PDGFRL: variants seen among roughly 807,000 people sequenced by gnomAD.
The protein encoded by PDGFRL is platelet-derived growth factor receptor-like protein.
Under a neutral mutation model 37.2 loss-of-function variants are expected in PDGFRL, and 46 were observed. That is an observed-to-expected ratio of 1.24 (90% CI 0.98 to 1.58). The LOEUF is 1.58. Among genes scored for constraint, PDGFRL ranks in the 40% most tolerant of loss-of-function variants. The probability of loss-of-function intolerance (pLI) is 0.00; values close to 1 mark genes in which losing one functional copy is unlikely to be tolerated. For synonymous variants in PDGFRL, 251 were observed against 184.3 expected (o/e 1.36, Z -2.93); for missense variants, 692 against 467.6 (o/e 1.48, Z -4.43).
At chr8:17,630,887 G>T (rs1241323532) in intron 4 of PDGFRL, among the ~76,000 whole-genome samples, 1 of 152,086 alleles carries the variant, frequency 6.6e-6, no homozygotes, top group African/African-American at 2.4e-5. Flanking sequence ...CTCAGCTGGA[G>T]GCTGCCTCTG....
At position 17,598,397 on chromosome 8, in the gene PDGFRL, A is replaced by G. The variant is rs1488792923; in HGVS notation, c.353+8632A>G. Among the ~76,000 whole-genome samples the G allele has an allele frequency of 2.6e-5, 4 of 152,216 alleles. No individual in the cohort carries two copies. The East Asian group carries it at 7.7e-4, about 29-fold the overall frequency. ...AAGAATAAACCCCTTGAGGGCAAAT[A>G]ACACATCTGTGGTTTATCATCAGAT... is the stretch of plus-strand genomic sequence containing the variant. On this transcript the variant is annotated intron_variant, in intron 2 of 5. Coordinates refer to ENST00000251630, the MANE Select transcript of PDGFRL (RefSeq NM_001372073.1).
intron 4 of PDGFRL, among the ~76,000 whole-genome samples, chr8:17,633,348 G>A (rs1804900710): frequency 6.6e-6 from 1 of 152,146 alleles, no homozygotes; most frequent in South Asian, 2.1e-4. Context: ...TTTCCTCCAG[G>A]ATGCAGGAGT....
chr8:17,635,366 T>A (rs1804951965), intron 5 of PDGFRL, among the ~76,000 whole-genome samples: 1 of 152,134 alleles, frequency 6.6e-6, no homozygotes, highest in Admixed American at 6.6e-5. Context: ...AGCTCGCATT[T>A]AACAGTAAGA....
At chr8:17,619,455 A>C (rs1804589839) in intron 2 of PDGFRL, among the ~76,000 whole-genome samples, 1 of 152,230 alleles carries the variant, frequency 6.6e-6, no homozygotes, top group Admixed American at 6.5e-5. Context: ...AAAATACAAA[A>C]GATAAGGAAG....
intron 2 of PDGFRL, 44 bp from the exon 3 acceptor site, chr8:17,621,007 G>T: frequency 1.3e-6 from 2 of 1,518,576 alleles, no homozygotes; most frequent in Non-Finnish European, 1.8e-6. Flanking sequence ...GAGGGCCCCA[G>T]CCAGGTCTGA....
intron 4 of PDGFRL, among the ~76,000 whole-genome samples, chr8:17,632,560 C>G (rs911395717): frequency 1.3e-5 from 2 of 152,218 alleles, no homozygotes; most frequent in Admixed American, 1.3e-4. Context: ...TGGCCTCGAA[C>G]TCCTGACCTC....
Position 17,595,537 on chromosome 8 carries a change from C to A in PDGFRL, c.353+5772C>A, listed in dbSNP as rs1439852828. ...TCAGCCTCCTGAGAACTCTCCTGGGCCCTGGTCTGGGCAGAACCTGGACCT... is the reference window on the plus strand; with the variant it reads ...TCAGCCTCCTGAGAACTCTCCTGGGACCTGGTCTGGGCAGAACCTGGACCT... On this transcript the variant is annotated intron_variant, in intron 2 of 5. Transcript: ENST00000251630. Among the ~76,000 whole-genome samples the A allele has an allele frequency of 2.0e-5, 3 of 152,298 alleles. No homozygotes were observed. In the South Asian group the frequency reaches 6.2e-4, roughly 32 times the overall value.
chr8:17,641,901 G>GCCCGCCCCCCCC (rs1554556556), intron 5 of PDGFRL, among the ~76,000 whole-genome samples: 1 of 116,236 alleles, frequency 8.6e-6, no homozygotes, highest in African/African-American at 3.8e-5. Context: ...AGAGGTCCCC[G>GCCCGCCCCCCCC]CCACATTGCT....
At chr8:17,592,266 C>T (rs1381623543) in intron 2 of PDGFRL, among the ~76,000 whole-genome samples, 1 of 152,230 alleles carries the variant, frequency 6.6e-6, no homozygotes, top group Non-Finnish European at 1.5e-5. Flanking sequence ...TCAGTTCCCT[C>T]TTCATAGCAC....
At chr8:17,598,818 T>C (rs1804105872) in intron 2 of PDGFRL, among the ~76,000 whole-genome samples, 1 of 152,156 alleles carries the variant, frequency 6.6e-6, no homozygotes, top group South Asian at 2.1e-4. Flanking sequence ...TGGTAGTTAA[T>C]ACGTCTCACG....
intron 1 of PDGFRL, among the ~76,000 whole-genome samples, chr8:17,583,084 C>CAT (rs1803742630): frequency 6.6e-6 from 1 of 152,174 alleles, no homozygotes; most frequent in African/African-American, 2.4e-5. Flanking sequence ...GAGGCTTCCA[C>CAT]ATGTTGTCAA....
Position 17,605,134 on chromosome 8 carries a change from G to GGA in PDGFRL, c.353+15380_353+15381dup, listed in dbSNP as rs201580144. 5.1e-3 allele frequency among the ~76,000 whole-genome samples: 777 copies of GGA among 152,002 alleles called. 5 individuals carry two copies. Among genetic ancestry groups the GGA allele is most frequent in the Middle Eastern group, 0.024 (7 of 294 alleles). ...TCTGTCCCAGAAAGAATGAAAGAAGGGAGAGAGAGAGACAGGGAGAGGGAA... is the reference window on the plus strand; with the variant it reads ...TCTGTCCCAGAAAGAATGAAAGAAGGGAGAGAGAGAGAGACAGGGAGAGGGAA... On this transcript the variant is annotated intron_variant, in intron 2 of 5. Transcript: ENST00000251630.
In PDGFRL at chr8:17,621,098, C is replaced by T; in HGVS notation, c.401C>T (p.Thr134Ile). 4 of 1,612,102 alleles carry T rather than the reference C, an allele frequency of 2.5e-6. No individual in the cohort carries two copies. Among genetic ancestry groups the T allele is most frequent in the Non-Finnish European group, 3.4e-6 (4 of 1,178,666 alleles). The change falls in exon 3 of 6, where the codon ACC (threonine) becomes ATC (isoleucine). Residue 134 changes from threonine to isoleucine, a missense_variant. Thr to Ile is a moderately conservative substitution (Grantham distance 89). Transcript: ENST00000251630. The part of the protein sequence containing the change: ...RYGQLTLVNS[T>I]SADTGEFSCW... The stretch of plus-strand genomic sequence containing the variant: ...GGCCAGTTGACTCTGGTCAACTCCA[C>T]CTCGGCAGACACAGGTGAATTCAGC...
intron 5 of PDGFRL, among the ~76,000 whole-genome samples, chr8:17,638,316 G>C (rs1805015036): frequency 6.6e-6 from 1 of 152,066 alleles, no homozygotes; most frequent in Non-Finnish European, 1.5e-5. Flanking sequence ...TGATCATTCA[G>C]GAGCAGGTTA....
At chr8:17,606,627 A>C (rs1434627390) in intron 2 of PDGFRL, among the ~76,000 whole-genome samples, 1 of 152,132 alleles carries the variant, frequency 6.6e-6, no homozygotes, top group Non-Finnish European at 1.5e-5. Flanking sequence ...GCAGGATACA[A>C]GACTTCCCCC....
intron 2 of PDGFRL, among the ~76,000 whole-genome samples, chr8:17,593,805 T>C (rs1350239287): frequency 6.6e-6 from 1 of 151,832 alleles, no homozygotes; most frequent in African/African-American, 2.4e-5. Context: ...GGAGAATCGC[T>C]TGAACCTGGG....
intron 2 of PDGFRL, among the ~76,000 whole-genome samples, chr8:17,617,646 T>C (rs2237830): frequency 0.64 from 97,754 of 152,108 alleles, 31,542 homozygotes; most frequent in Middle Eastern, 0.7. Context: ...TCCTGTTTTA[T>C]ATTGTTTGCG....
At chr8:17,614,831 C>T (rs17124939) in intron 2 of PDGFRL, among the ~76,000 whole-genome samples, 1 of 152,302 alleles carries the variant, frequency 6.6e-6, no homozygotes, top group Non-Finnish European at 1.5e-5. Flanking sequence ...CTTTGTTTAT[C>T]TACCTGAGGC....
At chr8:17,629,823 T>C (rs1207598893) in intron 4 of PDGFRL, among the ~76,000 whole-genome samples, 7 of 152,150 alleles carry the variant, frequency 4.6e-5, no homozygotes, top group Non-Finnish European at 5.9e-5. Context: ...CACAGGCTTG[T>C]ACTTTCCCAG....
Sources: allele counts gnomAD v4.1 joint callset (sites outside exome capture counted in the v4.1 genomes callset), GRCh38; gene constraint gnomAD v4.1.1; transcripts MANE v1.5; gene names NCBI Gene and HGNC (gene_info 2026-07-23, HGNC 2026-07-21).